CSMD3: variants seen among roughly 807,000 people sequenced by gnomAD.
CSMD3 encodes CUB and sushi domain-containing protein 3.
Under a neutral mutation model 435.2 loss-of-function variants are expected in CSMD3, and 177 were observed. The ratio of observed to expected loss-of-function variants is 0.41; its 90% CI spans 0.36 to 0.46. The LOEUF (loss-of-function observed/expected upper bound fraction) is 0.46, where lower values mean the gene tolerates loss of function less well. Among genes scored for constraint, CSMD3 ranks in the 20% least tolerant of loss-of-function variants. The probability of loss-of-function intolerance (pLI) is 0.34; values close to 1 mark genes in which losing one functional copy is unlikely to be tolerated. For synonymous variants in CSMD3, 1,656 were observed against 1,520.5 expected, an observed-to-expected ratio of 1.09 and a Z score of -2.07; for missense variants, 4,265 against 4,504.6, an observed-to-expected ratio of 0.95 and a Z score of 1.52.
intron 42 of CSMD3, among the ~76,000 whole-genome samples, chr8:112,340,868 G>C (rs1452534884): frequency 6.6e-6 from 1 of 152,004 alleles, no homozygotes; most frequent in Non-Finnish European, 1.5e-5. Flanking sequence ...GCAAGGCCGA[G>C]GCCACATTAG....
rs773527015 is a variant in CSMD3, at chr8:112,550,715, G to T, written c.4520C>A (p.Thr1507Lys). Residue 1507 changes from threonine (T) to lysine (K), a missense_variant, in exon 27 of 71, where the codon ACG becomes AAG. This residue lies in a region of CSMD3 where 3,255 missense variants were observed against 3,380.2 expected (regional missense o/e 0.96). Transcript: ENST00000297405. Reference sequence around the variant, plus strand: ...TCCAGATTTGCTAATATAAAAATCCGTGTCAAACTGGATGGTTACTATATT... The same window carrying T: ...TCCAGATTTGCTAATATAAAAATCCTTGTCAAACTGGATGGTTACTATATT... ...TLNIVTIQFDTDFYISKSGFA... is the reference protein window; with the variant it reads ...TLNIVTIQFDKDFYISKSGFA... 2 of 1,607,468 alleles carry T rather than the reference G, an allele frequency of 1.2e-6. No individual in the cohort carries two copies. The highest frequency in any genetic ancestry group is 1.7e-5 in the Admixed American group (1 of 59,832).
intron 35 of CSMD3, among the ~76,000 whole-genome samples, chr8:112,400,597 G>T (rs753489892): frequency 6.6e-6 from 1 of 152,064 alleles, no homozygotes. Flanking sequence ...CTAAAAGTAG[G>T]AAGTGAGTTC....
intron 30 of CSMD3, among the ~76,000 whole-genome samples, chr8:112,496,603 C>A (rs1278006927): frequency 6.6e-6 from 1 of 152,052 alleles, no homozygotes; most frequent in African/African-American, 2.4e-5. Context: ...CACATATATA[C>A]AATGAAGTAC....
intron 38 of CSMD3, among the ~76,000 whole-genome samples, chr8:112,374,438 C>T (rs1258996010): frequency 6.6e-6 from 1 of 152,046 alleles, no homozygotes; most frequent in African/African-American, 2.4e-5. Context: ...TTAAAAATAG[C>T]ACCTGCCACT....
chr8:112,728,309 A>T (rs1372022564), intron 13 of CSMD3, among the ~76,000 whole-genome samples: 1 of 151,986 alleles, frequency 6.6e-6, no homozygotes, highest in Non-Finnish European at 1.5e-5. Context: ...CAAAAAAAAT[A>T]TGAGTTAGAT....
At chr8:113,430,766 G>A (rs912497214) in intron 1 of CSMD3, among the ~76,000 whole-genome samples, 2 of 152,098 alleles carry the variant, frequency 1.3e-5, no homozygotes, top group African/African-American at 2.4e-5. Context: ...GTTATTTTCC[G>A]TCCAAGCACA....
intron 10 of CSMD3, among the ~76,000 whole-genome samples, chr8:112,877,175 A>G (rs2511536): frequency 0.8 from 121,344 of 152,072 alleles, 49,207 homozygotes; most frequent in East Asian, 0.93. Flanking sequence ...TGAAAATGGC[A>G]ATACTGCCCA....
At chr8:112,370,023 G>GGAAGAAGAGGAAGAAGAA (rs1563852370) in intron 38 of CSMD3, among the ~76,000 whole-genome samples, 3 of 66,534 alleles carry the variant, frequency 4.5e-5, no homozygotes, top group Middle Eastern at 8.6e-3. Context: ...AAGAAGAAGA[G>GGAAGAAGAGGAAGAAGAA]GAAGAAGAAG....
At chr8:113,131,668 C>G (rs1191703933) in intron 4 of CSMD3, among the ~76,000 whole-genome samples, 1 of 152,152 alleles carries the variant, frequency 6.6e-6, no homozygotes, top group African/African-American at 2.4e-5. Flanking sequence ...GGAGACACCA[C>G]AGAGTCCCCA....
intron 10 of CSMD3, among the ~76,000 whole-genome samples, chr8:112,877,996 A>G (rs1272462978): frequency 6.6e-6 from 1 of 152,174 alleles, no homozygotes; most frequent in Non-Finnish European, 1.5e-5. Context: ...ACTATTTAGG[A>G]CATAGGTATG....
At chr8:112,602,812 T>G (rs1832472914) in intron 22 of CSMD3, among the ~76,000 whole-genome samples, 1 of 152,130 alleles carries the variant, frequency 6.6e-6, no homozygotes, top group Admixed American at 6.5e-5. Flanking sequence ...ATACTGTAAG[T>G]TTATGTTATT....
intron 22 of CSMD3, among the ~76,000 whole-genome samples, chr8:112,608,750 A>G (rs930181636): frequency 1.3e-5 from 2 of 152,114 alleles, no homozygotes; most frequent in African/African-American, 2.4e-5. Flanking sequence ...ATGAAGGGGA[A>G]AGAACAGTCT....
chr8:112,234,556 A>T, intron 67 of CSMD3, 79 bp from the exon 68 acceptor site: 1 of 836,722 alleles, frequency 1.2e-6, no homozygotes, highest in Non-Finnish European at 2.1e-6. Context: ...CATTCCTTAA[A>T]TAGATTATGT....
At chr8:113,301,137 G>C (rs1331987769) in intron 2 of CSMD3, among the ~76,000 whole-genome samples, 2 of 151,958 alleles carry the variant, frequency 1.3e-5, no homozygotes, top group East Asian at 3.9e-4. Flanking sequence ...CAACATGGAG[G>C]TGCTTGTTAC....
At chr8:112,297,399 G>A (rs62514395) in intron 53 of CSMD3, among the ~76,000 whole-genome samples, 30,536 of 151,788 alleles carry the variant, frequency 0.2, 3,653 homozygotes, top group East Asian at 0.36. Flanking sequence ...ATGATTATCT[G>A]GGATTTATCC....
chr8:112,846,684 G>A (rs926024490), intron 11 of CSMD3, among the ~76,000 whole-genome samples: 4 of 151,682 alleles, frequency 2.6e-5, no homozygotes, highest in Non-Finnish European at 4.4e-5. Context: ...TAGCTCCCAG[G>A]TATGAGTCAC....
chr8:112,515,495 C>T (rs1293546883), intron 28 of CSMD3, among the ~76,000 whole-genome samples: 9 of 152,054 alleles, frequency 5.9e-5, no homozygotes, highest in South Asian at 2.1e-4. Context: ...TCTTTGCAAA[C>T]ATTTCTTAAC....
chr8:112,645,082 CA>C, intron 20 of CSMD3, 26 bp downstream of exon 20: 1 of 1,082,686 alleles, frequency 9.2e-7, no homozygotes. Context: ...GAAGATAGTC[CA>C]ATTATTATTT....
intron 30 of CSMD3, among the ~76,000 whole-genome samples, chr8:112,496,734 T>G (rs1281273948): frequency 6.6e-6 from 1 of 152,026 alleles, no homozygotes; most frequent in Non-Finnish European, 1.5e-5. Flanking sequence ...TTGTGGGAGC[T>G]AAAAATTAAA....
Sources: gnomAD v4.1 joint callset for allele counts (sites outside exome capture counted in the v4.1 genomes callset) on GRCh38, gnomAD v4.1.1 for gene constraint, gnomAD v4.1.1 regional missense constraint, MANE v1.5 for transcripts, NCBI Gene and HGNC (gene_info 2026-07-23, HGNC 2026-07-21) for gene names.